WSCD2: variants seen among roughly 807,000 people sequenced by gnomAD.
WSCD2 encodes the protein sialate:O-sulfotransferase 2.
In WSCD2, 28 loss-of-function variants were observed where a neutral mutation model predicts 55.7. The ratio of observed to expected loss-of-function variants is 0.50; its 90% CI spans 0.37 to 0.69. The LOEUF (loss-of-function observed/expected upper bound fraction) is 0.69, where lower values mean the gene tolerates loss of function less well. Ranked by LOEUF, WSCD2 falls within the 30% of genes least tolerant of loss-of-function variation. WSCD2 has a pLI of 0.00. For synonymous variants in WSCD2, 301 were observed against 301.9 expected, an observed-to-expected ratio of 1.00 and a Z score of 0.03; for missense variants, 616 against 762.1, an observed-to-expected ratio of 0.81 and a Z score of 2.26.
intron 2 of WSCD2, among the ~76,000 whole-genome samples, chr12:108,205,336 C>T (rs939381525): frequency 7.2e-5 from 11 of 152,074 alleles, no homozygotes; most frequent in African/African-American, 2.4e-4. Flanking sequence ...CTCATAGGAT[C>T]GCTGTAAGGA....
At chr12:108,237,488 A>C (rs1047548738) in intron 7 of WSCD2, among the ~76,000 whole-genome samples, 3 of 152,296 alleles carry the variant, frequency 2.0e-5, no homozygotes, top group African/African-American at 7.2e-5. Context: ...AGAGGGGGAC[A>C]CCCTAGTGGT....
chr12:108,192,529 T>C (rs17254128), intron 1 of WSCD2, among the ~76,000 whole-genome samples: 1 of 152,140 alleles, frequency 6.6e-6, no homozygotes, highest in Non-Finnish European at 1.5e-5. Context: ...GGCACGACCA[T>C]GAAACCTCAG....
At chr12:108,245,181 GA>G (rs1889998960) in intron 8 of WSCD2, among the ~76,000 whole-genome samples, 1 of 152,186 alleles carries the variant, frequency 6.6e-6, no homozygotes, top group Non-Finnish European at 1.5e-5. Flanking sequence ...CTCAGTCTGG[GA>G]TAGGTGTGGG....
intron 1 of WSCD2, among the ~76,000 whole-genome samples, chr12:108,172,253 G>A (rs1250286132): frequency 6.6e-6 from 1 of 152,202 alleles, no homozygotes; most frequent in Non-Finnish European, 1.5e-5. Flanking sequence ...GCCAGGGTCT[G>A]TGCTCGTGAT....
chr12:108,245,074 C>A (rs996763163), intron 8 of WSCD2, among the ~76,000 whole-genome samples: 1 of 152,126 alleles, frequency 6.6e-6, no homozygotes, highest in Admixed American at 6.6e-5. Context: ...GTAACAATTT[C>A]TTTCTCTTTG....
intron 1 of WSCD2, among the ~76,000 whole-genome samples, chr12:108,182,664 GTTAT>G (rs1565941582): frequency 6.6e-6 from 1 of 152,168 alleles, no homozygotes; most frequent in Non-Finnish European, 1.5e-5. Context: ...AGTCAATTAC[GTTAT>G]TTGTTTCCCT....
intron 4 of WSCD2, among the ~76,000 whole-genome samples, chr12:108,224,339 TCAAA>T (rs1207396686): frequency 6.6e-6 from 1 of 152,144 alleles, no homozygotes; most frequent in Non-Finnish European, 1.5e-5. Context: ...CCCTCAGTCC[TCAAA>T]CACTCAGCCC....
intron 1 of WSCD2, among the ~76,000 whole-genome samples, chr12:108,143,339 A>T (rs1403595284): frequency 6.6e-6 from 1 of 151,930 alleles, no homozygotes; most frequent in Non-Finnish European, 1.5e-5. Context: ...GGTCAGGGTC[A>T]TGTGATCAAC....
intron 1 of WSCD2, among the ~76,000 whole-genome samples, chr12:108,178,939 A>C (rs1881277927): frequency 6.6e-6 from 1 of 152,180 alleles, no homozygotes; most frequent in South Asian, 2.1e-4. Context: ...TAATTCTCAC[A>C]ACCTCTGAAG....
Position 108,227,123 on chromosome 12 carries a change from G to C in WSCD2, c.938G>C (p.Gly313Ala). The change falls in exon 6 of 9, where the codon GGG becomes GCG. Residue 313 changes from glycine to alanine, a missense_variant. This residue lies in a region of WSCD2 where 374 missense variants were observed against 467.4 expected (regional missense o/e 0.80). Coordinates refer to ENST00000547525, the MANE Select transcript of WSCD2 (RefSeq NM_014653.4). ...AGCGCGGAGGAGTTTGAGAGCTGCGGGACTCCTAGTTACTTCATTGTGTAC... is the reference window on the plus strand; with the variant it reads ...AGCGCGGAGGAGTTTGAGAGCTGCGCGACTCCTAGTTACTTCATTGTGTAC... ...KCSAEEFESC[G>A]TPSYFIVYQT... 1 of 1,614,148 alleles carries C rather than the reference G, an allele frequency of 6.2e-7. No individual in the cohort carries two copies. Among genetic ancestry groups the C allele is most frequent in the Non-Finnish European group, 8.5e-7 (1 of 1,180,006 alleles).
At chr12:108,202,566 T>C (rs74568600) in intron 2 of WSCD2, among the ~76,000 whole-genome samples, 2,849 of 152,190 alleles carry the variant, frequency 0.019, 96 homozygotes, top group African/African-American at 0.065. Context: ...CATGGATGGA[T>C]CTGAAGGCCA....
chr12:108,196,971 T>A (rs1402907368), intron 2 of WSCD2: 1 of 152,226 alleles, frequency 6.6e-6, no homozygotes, highest in African/African-American at 2.4e-5. Context: ...GCGCAGCTGG[T>A]CAGCAGCAGG....
At chr12:108,156,353 G>C (rs567016940) in intron 1 of WSCD2, among the ~76,000 whole-genome samples, 2 of 152,302 alleles carry the variant, frequency 1.3e-5, no homozygotes, top group East Asian at 3.9e-4. Context: ...AGTCAGGTTA[G>C]CTCAGCACAT....
chr12:108,227,755 T>C (rs1565985793), intron 6 of WSCD2, among the ~76,000 whole-genome samples: 1 of 151,242 alleles, frequency 6.6e-6, no homozygotes, highest in African/African-American at 2.5e-5. Flanking sequence ...ATGATGATGG[T>C]GATGATTATG....
At chr12:108,149,114 C>T (rs1367294607) in intron 1 of WSCD2, among the ~76,000 whole-genome samples, 1 of 152,172 alleles carries the variant, frequency 6.6e-6, no homozygotes, top group African/African-American at 2.4e-5. Context: ...TTGCAGGAAA[C>T]CCTGTAAAAT....
Position 108,210,284 on chromosome 12 carries a change from G to C in WSCD2, c.661G>C (p.Ala221Pro), listed in dbSNP as rs1344004729. The change falls in exon 4 of 9, where the codon GCC (alanine) becomes CCC (proline). Residue 221 changes from alanine to proline, a missense_variant. Coordinates refer to ENST00000547525, the MANE Select transcript of WSCD2 (RefSeq NM_014653.4). The surrounding 1 kb of genome is among the most constrained non-coding windows in gnomAD (Gnocchi z 4.3). ...CCTCTCTGTCTACCGGCTGCAGCTGGCCCAGGAGTCGGCCCGCAGGTGTAC... is the reference window on the plus strand; with the variant it reads ...CCTCTCTGTCTACCGGCTGCAGCTGCCCCAGGAGTCGGCCCGCAGGTGTAC... ...NRLSVYRLQL[A>P]QESARRYGSA... is the part of the protein sequence containing the mutation. 1 of 1,598,316 alleles carries C rather than the reference G, an allele frequency of 6.3e-7. No homozygotes were observed. Among genetic ancestry groups the C allele is most frequent in the African/African-American group, 1.3e-5 (1 of 74,694 alleles).
intron 8 of WSCD2, among the ~76,000 whole-genome samples, chr12:108,242,293 G>A (rs7305338): frequency 0.16 from 25,121 of 152,254 alleles, 2,161 homozygotes; most frequent in Non-Finnish European, 0.17. Context: ...CTCAGTGAGG[G>A]GGTGGAAGCT....
intron 4 of WSCD2, 126 bp from the exon 5 acceptor site, chr12:108,224,613 C>G: frequency 7.8e-7 from 1 of 1,288,984 alleles, no homozygotes; most frequent in South Asian, 1.4e-5. Context: ...TCCATCTCTG[C>G]TTTGGCTTGC....
intron 2 of WSCD2, among the ~76,000 whole-genome samples, chr12:108,203,896 C>T (rs1885010933): frequency 6.6e-6 from 1 of 152,166 alleles, no homozygotes; most frequent in Non-Finnish European, 1.5e-5. Context: ...GGAGGACAGA[C>T]CTGGGCTTTA....
Sources: allele counts gnomAD v4.1 joint callset (sites outside exome capture counted in the v4.1 genomes callset), GRCh38; gene constraint gnomAD v4.1.1; regional missense constraint gnomAD v4.1.1; non-coding constraint Gnocchi (gnomAD v3.1); transcripts MANE v1.5; gene names NCBI Gene and HGNC (gene_info 2026-07-23, HGNC 2026-07-21).